Variants in TMEM63C observed in about 807,000 individuals in gnomAD.
TMEM63C encodes osmosensitive cation channel TMEM63C.
In TMEM63C, 32 loss-of-function variants were observed where a neutral mutation model predicts 99.2. The ratio of observed to expected loss-of-function variants is 0.32; its 90% confidence interval spans 0.24 to 0.43. TMEM63C has a LOEUF of 0.43. Ranked by LOEUF, TMEM63C falls within the 20% of genes least tolerant of loss-of-function variation. The probability of loss-of-function intolerance (pLI) is 1.00; values close to 1 mark genes in which losing one functional copy is unlikely to be tolerated. For missense variants in TMEM63C, 826 were observed against 1,053.0 expected, an observed-to-expected ratio of 0.78 and a Z score of 2.98; for synonymous variants, 376 against 397.9, an observed-to-expected ratio of 0.94 and a Z score of 0.66.
At chr14:77,202,440 T>G (rs1888314373) in intron 1 of TMEM63C, among the ~76,000 whole-genome samples, 1 of 152,134 alleles carries the variant, frequency 6.6e-6, no homozygotes, top group Admixed American at 6.5e-5. Flanking sequence ...GTTATTCTCT[T>G]CCAGTCCTGG....
At chr14:77,200,285 C>T (rs1888278368) in intron 1 of TMEM63C, among the ~76,000 whole-genome samples, 1 of 152,208 alleles carries the variant, frequency 6.6e-6, no homozygotes, top group African/African-American at 2.4e-5. Context: ...CCCAGAGCCA[C>T]ATGGAGACTG....
intron 2 of TMEM63C, among the ~76,000 whole-genome samples, chr14:77,215,417 A>G (rs2140105915): frequency 6.6e-6 from 1 of 151,994 alleles, no homozygotes; most frequent in African/African-American, 2.4e-5. Context: ...CCTGGCCAAC[A>G]TGGTGAAACC....
At chr14:77,209,196 G>A (rs1465972822) in intron 1 of TMEM63C, among the ~76,000 whole-genome samples, 1 of 152,134 alleles carries the variant, frequency 6.6e-6, no homozygotes, top group African/African-American at 2.4e-5. Context: ...AGAAAAAACT[G>A]AATAGCAAGA....
chr14:77,184,325 C>T (rs1887961771), intron 1 of TMEM63C, among the ~76,000 whole-genome samples: 1 of 152,046 alleles, frequency 6.6e-6, no homozygotes. Flanking sequence ...TCCCCAGCTG[C>T]CCATTATAGT....
chr14:77,240,709 G>A (rs1005677759), intron 13 of TMEM63C, 101 bp downstream of exon 13: 20 of 1,442,764 alleles, frequency 1.4e-5, no homozygotes, highest in Non-Finnish European at 1.8e-5. Context: ...CCTCCCCTGG[G>A]CCCTCCATGC....
rs368880696 is a variant in TMEM63C at position 77,243,008 on chromosome 14, G to A, written c.1293G>A (p.Met431Ile). Residue 431 changes from methionine to isoleucine, a missense_variant, in exon 15 of 24, where the codon ATG becomes ATA. Coordinates refer to ENST00000298351, the MANE Select transcript of TMEM63C (RefSeq NM_020431.4). ...FFFLTTPAII[M>I]NTIDMYNVTR... is the part of the protein sequence containing the mutation. ...TTCTCACCACGCCTGCCATCATCAT[G>A]AACACTATCGACATGTACAACGTCA... 6.2e-7 allele frequency: 1 copy of A among 1,613,814 alleles called. No homozygotes were observed. The highest frequency in any genetic ancestry group is 8.5e-7 in the Non-Finnish European group (1 of 1,179,896).
intron 13 of TMEM63C, 81 bp from the exon 14 acceptor site, chr14:77,242,266 T>A (rs1889190420): frequency 1.3e-6 from 2 of 1,526,888 alleles, no homozygotes; most frequent in Admixed American, 3.5e-5. Flanking sequence ...ATAGTGGCCC[T>A]GAGCTCCTGG....
intron 23 of TMEM63C, among the ~76,000 whole-genome samples, chr14:77,254,421 A>G (rs1250836964): frequency 6.6e-6 from 1 of 152,184 alleles, no homozygotes; most frequent in African/African-American, 2.4e-5. Flanking sequence ...TATCTCTGAG[A>G]GGGGACAGGA....
chr14:77,220,862 A>C lies in TMEM63C; in HGVS notation c.312+775A>C, dbSNP rs1221677081. The stretch of plus-strand genomic sequence containing the variant: ...GTCACCACTTCCTCACCTCTCACTC[A>C]CGCCCCGCCTCCCACTCACGCCCCG... On this transcript the variant is annotated intron_variant, in intron 5 of 23. Transcript: ENST00000298351. Among the ~76,000 whole-genome samples, 8 of 121,358 alleles carry C rather than the reference A, an allele frequency of 6.6e-5. 3 individuals carry two copies. Among genetic ancestry groups the C allele is most frequent in the Non-Finnish European group, 6.8e-5 (4 of 58,684 alleles). The allele number at this position is 121,358 out of a possible 152,430, so 79.6% of individuals were successfully genotyped here.
chr14:77,225,952 T>C (rs1402544175), intron 6 of TMEM63C, among the ~76,000 whole-genome samples: 2 of 149,582 alleles, frequency 1.3e-5, no homozygotes, highest in Non-Finnish European at 3.0e-5. Context: ...CAGACCCCAC[T>C]TTGCAAGCAA....
Position 77,219,510 on chromosome 14 carries a change from G to T in TMEM63C, c.163G>T (p.Val55Phe). The change falls in exon 4 of 24, where the codon GTT becomes TTT. Residue 55 changes from valine (V) to phenylalanine (F), a missense_variant. Coordinates refer to ENST00000298351, the MANE Select transcript of TMEM63C (RefSeq NM_020431.4). ...NIALWVLVLV[V>F]YSFLRKAAWD... ...TCCTGGCCTGTAGCTCGTCCTTGTG[G>T]TTTACTCCTTCCTCCGGAAAGCTGC... 1 of 1,613,962 alleles carries T rather than the reference G, an allele frequency of 6.2e-7. No individual in the cohort carries two copies. The highest frequency in any genetic ancestry group is 2.2e-5 in the East Asian group (1 of 44,880).
intron 3 of TMEM63C, 135 bp from the exon 4 acceptor site, chr14:77,219,363 C>A: frequency 2.4e-6 from 2 of 835,428 alleles, no homozygotes; most frequent in Non-Finnish European, 3.9e-6. Flanking sequence ...CCTACTCCAA[C>A]AGAGCTCACC....
At chr14:77,213,354 A>G (rs1888523708) in intron 1 of TMEM63C, 92 bp from the exon 2 acceptor site, 1 of 152,254 alleles carries the variant, frequency 6.6e-6, no homozygotes, top group Admixed American at 6.5e-5. Flanking sequence ...CATAAAGATG[A>G]CCAAAGGGGC....
chr14:77,232,714 C>T (rs1325772939), intron 7 of TMEM63C, among the ~76,000 whole-genome samples: 1 of 152,180 alleles, frequency 6.6e-6, no homozygotes, highest in East Asian at 1.9e-4. Flanking sequence ...ATAGTAGGTG[C>T]TCAATGAATA....
At chr14:77,249,943 T>C (rs956516313) in intron 21 of TMEM63C, among the ~76,000 whole-genome samples, 1 of 152,222 alleles carries the variant, frequency 6.6e-6, no homozygotes, top group Non-Finnish European at 1.5e-5. Flanking sequence ...CAAGCAATTC[T>C]GCCACTTCCC....
intron 1 of TMEM63C, among the ~76,000 whole-genome samples, chr14:77,187,010 G>A (rs1444315844): frequency 2.6e-5 from 4 of 152,220 alleles, no homozygotes; most frequent in East Asian, 1.9e-4. Flanking sequence ...TGAGGCCCTG[G>A]AGCCACTCAG....
At chr14:77,219,645 C>A in intron 4 of TMEM63C, 68 bp downstream of exon 4, 1 of 1,502,824 alleles carries the variant, frequency 6.7e-7, no homozygotes, top group Non-Finnish European at 9.2e-7. Context: ...GGCCAGGACG[C>A]AGCTCTGCCC....
chr14:77,245,277 C>G (rs1409439306), intron 16 of TMEM63C, among the ~76,000 whole-genome samples: 1 of 152,216 alleles, frequency 6.6e-6, no homozygotes, highest in East Asian at 1.9e-4. Context: ...ACAGACATCA[C>G]TAGTGGATCA....
chr14:77,242,060 G>T (rs1889186057), intron 13 of TMEM63C, among the ~76,000 whole-genome samples: 1 of 151,862 alleles, frequency 6.6e-6, no homozygotes, highest in Non-Finnish European at 1.5e-5. Flanking sequence ...TTTATGTGCT[G>T]TCACTGCTGT....
Sources: allele counts gnomAD v4.1 joint callset (sites outside exome capture counted in the v4.1 genomes callset), GRCh38; gene constraint gnomAD v4.1.1; transcripts MANE v1.5; gene names NCBI Gene and HGNC (gene_info 2026-07-23, HGNC 2026-07-21).